PATJ: variants seen among roughly 807,000 people sequenced by gnomAD.
The protein encoded by PATJ is PATJ crumbs cell polarity complex component.
PATJ carries 190 observed loss-of-function variants against 224.9 expected under a neutral mutation model. The ratio of observed to expected loss-of-function variants is 0.84; its 90% CI spans 0.75 to 0.95. PATJ has a LOEUF of 0.95. Ranked by LOEUF, PATJ falls within the 40% of genes least tolerant of loss-of-function variation. The probability of loss-of-function intolerance (pLI) is 0.00; values close to 1 mark genes in which losing one functional copy is unlikely to be tolerated. For synonymous variants in PATJ, 769 were observed against 820.3 expected (o/e 0.94, Z 1.07); for missense variants, 2,121 against 2,270.3 (o/e 0.93, Z 1.34).
intron 14 of PATJ, among the ~76,000 whole-genome samples, chr1:61,811,224 A>C (rs535016212): frequency 1.1e-4 from 17 of 152,218 alleles, no homozygotes; most frequent in Admixed American, 1.1e-3. Flanking sequence ...AGTTGCAAGC[A>C]CATAGTAGGC....
chr1:61,854,907 T>C (rs1253049617), intron 17 of PATJ, among the ~76,000 whole-genome samples: 2 of 152,220 alleles, frequency 1.3e-5, no homozygotes, highest in Non-Finnish European at 2.9e-5. Context: ...GGGTGAAAGA[T>C]CTGTATGTTG....
At chr1:61,865,684 C>T (rs1009309342) in intron 20 of PATJ, 1 of 151,708 alleles carries the variant, frequency 6.6e-6, no homozygotes, top group Non-Finnish European at 1.5e-5. Flanking sequence ...TTTTTATTTC[C>T]TGCCCCAAAT....
Position 62,049,243 on chromosome 1 carries a change from T to TCACACACACACACACA in PATJ, c.4033-1700_4033-1685dup, listed in dbSNP as rs60099928. Among the ~76,000 whole-genome samples the TCACACACACACACACA allele has an allele frequency of 1.5e-4, 21 of 137,196 alleles. 1 individual carries two copies. Among genetic ancestry groups the TCACACACACACACACA allele is most frequent in the African/African-American group, 5.0e-4 (18 of 36,212 alleles). The allele number at this position is 137,196 out of a possible 152,430, so 90.0% of individuals were successfully genotyped here. A position where few individuals can be genotyped will look rare whatever the true frequency, so the allele number is the denominator to read the frequency against. On this transcript the variant is annotated intron_variant, in intron 30 of 43. Coordinates refer to ENST00000642238, the MANE Select transcript of PATJ (RefSeq NM_001350145.3). ...AATTCCACTCCCCAGAAGTAAGCAA[T>TCACACACACACACACA]CACACACACACACACACACACACAC...
At chr1:61,794,103 T>C (rs2148527108) in intron 9 of PATJ, among the ~76,000 whole-genome samples, 1 of 152,208 alleles carries the variant, frequency 6.6e-6, no homozygotes, top group Non-Finnish European at 1.5e-5. Flanking sequence ...GGTTTTGCCA[T>C]GTTGGCCAGG....
chr1:61,813,334 CATATATATATATATATATATATATATAT>C (rs747640923), intron 14 of PATJ, among the ~76,000 whole-genome samples: 8 of 63,078 alleles, frequency 1.3e-4, no homozygotes, highest in South Asian at 7.5e-4. Flanking sequence ...ATGGAATGTA[CATATATATATATATATATATATATATAT>C]ATATATATAT....
intron 41 of PATJ, among the ~76,000 whole-genome samples, chr1:62,147,509 T>A (rs1457542977): frequency 6.6e-6 from 1 of 152,040 alleles, no homozygotes; most frequent in Non-Finnish European, 1.5e-5. Flanking sequence ...TACAAAAAAA[T>A]TAGCCAGGGC....
At chr1:61,905,056 A>G (rs1337442307) in intron 24 of PATJ, among the ~76,000 whole-genome samples, 1 of 149,376 alleles carries the variant, frequency 6.7e-6, no homozygotes, top group African/African-American at 2.5e-5. Context: ...CCCTCTATCT[A>G]CAAAGAAACT....
rs187294709 is a variant in PATJ, at chr1:62,058,293, C to G, written c.4125+7235C>G. On this transcript the variant is annotated intron_variant, in intron 31 of 43. Coordinates refer to ENST00000642238, the MANE Select transcript of PATJ (RefSeq NM_001350145.3). ...CACTGCAGCTGACCGTGCATTTTACCATTTCAGAGTCCTTGTCAGCTAGAA... is the reference window on the plus strand; with the variant it reads ...CACTGCAGCTGACCGTGCATTTTACGATTTCAGAGTCCTTGTCAGCTAGAA... 1.7e-3 allele frequency among the ~76,000 whole-genome samples: 261 copies of G among 152,280 alleles called. 1 individual carries two copies. The highest frequency in any genetic ancestry group is 3.4e-3 in the Middle Eastern group (1 of 294).
chr1:61,991,562 A>T lies in PATJ; in HGVS notation c.3867+1198A>T, dbSNP rs928809840. Reference sequence around the variant, plus strand: ...ACTACTGCCACAGCTGGCCAGGTGCAACAGGAAGACCATCGCCATCAACTC... The same window carrying T: ...ACTACTGCCACAGCTGGCCAGGTGCTACAGGAAGACCATCGCCATCAACTC... On this transcript the variant is annotated intron_variant, in intron 28 of 43. Coordinates refer to ENST00000642238, the MANE Select transcript of PATJ (RefSeq NM_001350145.3). The T allele has an allele frequency of 3.0e-6, 3 of 985,274 alleles. No individual in the cohort carries two copies. In the African/African-American group the frequency reaches 5.2e-5, roughly 17 times the overall value. 61.0% of individuals were successfully genotyped at this position (985,274 alleles called of 1,614,324 possible).
At chr1:62,091,570 AT>A (rs1001581462) in intron 33 of PATJ, among the ~76,000 whole-genome samples, 24 of 152,298 alleles carry the variant, frequency 1.6e-4, no homozygotes, top group African/African-American at 5.3e-4. Flanking sequence ...GGACAGTGAA[AT>A]GTGGCTTTGT....
At chr1:61,999,187 G>A (rs960635387) in intron 28 of PATJ, among the ~76,000 whole-genome samples, 3 of 152,054 alleles carry the variant, frequency 2.0e-5, no homozygotes, top group Non-Finnish European at 4.4e-5. Context: ...TTCTTTCTGC[G>A]ATTTTCCCCC....
At chr1:62,016,029 G>A (rs917563158) in intron 28 of PATJ, among the ~76,000 whole-genome samples, 2 of 152,164 alleles carry the variant, frequency 1.3e-5, no homozygotes, top group African/African-American at 2.4e-5. Flanking sequence ...GACCTCAAGT[G>A]ATTTGCCTCC....
Position 61,901,530 on chromosome 1 carries a change from AG to A in PATJ, c.3381+72del. On this transcript the variant is annotated intron_variant, in intron 24 of 43. Coordinates refer to ENST00000642238, the MANE Select transcript of PATJ (RefSeq NM_001350145.3). ...ACAGTGAAATAATCATTTAGCTAGA[AG>A]ACCTTTCTTTATGTGTTGGGGACCG... 3 of 1,162,714 alleles carry A rather than the reference AG, an allele frequency of 2.6e-6. No homozygotes were observed. The South Asian group carries it at 4.4e-5, about 17-fold the overall frequency. The allele number at this position is 1,162,714 out of a possible 1,614,324, so 72.0% of individuals were successfully genotyped here. A position where few individuals can be genotyped will look rare whatever the true frequency, so the allele number is the denominator to read the frequency against.
At chr1:62,036,907 GAGGGAGGA>G (rs1185224898) in intron 29 of PATJ, among the ~76,000 whole-genome samples, 4 of 140,676 alleles carry the variant, frequency 2.8e-5, no homozygotes, top group Non-Finnish European at 4.7e-5. Context: ...GGAAGGGAGG[GAGGGAGGA>G]AGGGAGGAAG....
chr1:61,850,661 G>T (rs993182736), intron 17 of PATJ, among the ~76,000 whole-genome samples: 1 of 152,220 alleles, frequency 6.6e-6, no homozygotes. Flanking sequence ...AAGCAGCATT[G>T]CTTAGTGTGG....
At chr1:62,070,090 T>C (rs963815882) in intron 31 of PATJ, among the ~76,000 whole-genome samples, 7 of 152,194 alleles carry the variant, frequency 4.6e-5, no homozygotes, top group African/African-American at 1.7e-4. Flanking sequence ...GGAAGTCAGG[T>C]CCTTTGTCCC....
intron 28 of PATJ, chr1:61,991,526 G>C: frequency 1.0e-6 from 1 of 985,304 alleles, no homozygotes; most frequent in African/African-American, 1.7e-5. Context: ...AATTTTACTT[G>C]CCTAATAATA....
At chr1:61,959,434 C>T (rs751815783) in intron 27 of PATJ, among the ~76,000 whole-genome samples, 24,683 of 115,360 alleles carry the variant, frequency 0.21, 2,813 homozygotes, top group African/African-American at 0.28. Context: ...TATTTTTTTT[C>T]TTTTCTTTTT....
intron 37 of PATJ, among the ~76,000 whole-genome samples, chr1:62,119,308 G>A (rs1404939380): frequency 6.6e-6 from 1 of 152,114 alleles, no homozygotes; most frequent in East Asian, 1.9e-4. Flanking sequence ...TGACCCTGGT[G>A]GGCAAAAACA....
Sources: gnomAD v4.1 joint callset for allele counts (sites outside exome capture counted in the v4.1 genomes callset) on GRCh38, gnomAD v4.1.1 for gene constraint, MANE v1.5 for transcripts, NCBI Gene and HGNC (gene_info 2026-07-23, HGNC 2026-07-21) for gene names.